TAF6: variants seen among roughly 807,000 people sequenced by gnomAD.
The protein encoded by TAF6 is TATA-box binding protein associated factor 6.
TAF6 carries 50 observed loss-of-function variants against 73.5 expected under a neutral mutation model. The ratio of observed to expected loss-of-function variants is 0.68; its 90% CI spans 0.54 to 0.86. The LOEUF (loss-of-function observed/expected upper bound fraction) is 0.86. Among genes scored for constraint, TAF6 ranks in the 40% least tolerant of loss-of-function variants. TAF6 has a pLI of 0.00. For missense variants in TAF6, 768 were observed against 899.5 expected (o/e 0.85, Z 1.87); for synonymous variants, 424 against 376.7 (o/e 1.13, Z -1.45).
chr7:100,113,777 A>C lies in TAF6; in HGVS notation c.244-8T>G. ...GTGGAAGCCATAGAGTGGCTGTGGC[A>C]GGAGAGAGGGGCATGGGTAAGAAGG... On this transcript the variant is annotated splice_polypyrimidine_tract_variant and splice_region_variant and intron_variant, in intron 3 of 14. Transcript: ENST00000453269. 1.2e-6 allele frequency: 2 copies of C among 1,613,740 alleles called. No individual in the cohort carries two copies. The highest frequency in any genetic ancestry group is 1.7e-6 in the Non-Finnish European group (2 of 1,179,840).
rs750236195 is a variant in TAF6, at chr7:100,118,665, A to T, written c.-60+539T>A. 7 of 196,036 alleles carry T rather than the reference A, an allele frequency of 3.6e-5. No individual in the cohort carries two copies. In the South Asian group the frequency reaches 8.8e-4, roughly 25 times the overall value. The allele number at this position is 196,036 out of a possible 1,614,324, so 12.1% of individuals were successfully genotyped here. A position where few individuals can be genotyped will look rare whatever the true frequency, so the allele number is the denominator to read the frequency against. On this transcript the variant is annotated intron_variant, in intron 1 of 14. Transcript: ENST00000453269. ...GACGGAAACCCTGTCTCAAAAAAAA[A>T]ACAAAAAAAAATTAAAGTGGCACAC...
chr7:100,113,491 T>G (rs891977655), intron 4 of TAF6, 86 bp from the exon 5 acceptor site: 82 of 1,530,972 alleles, frequency 5.4e-5, no homozygotes, highest in Non-Finnish European at 7.1e-5. Flanking sequence ...TTTCCACTCC[T>G]GCTCCCCTTG....
At chr7:100,121,817 A>G (rs184269397), upstream of TAF6, among the ~76,000 whole-genome samples, 399 of 151,254 alleles carry the variant, frequency 2.6e-3, 2 homozygotes, top group African/African-American at 6.6e-3. Context: ...TTGGGAGGCC[A>G]AGGCGGGCGG....
In TAF6 at chr7:100,112,144, G is replaced by A. The variant is rs761312376; in HGVS notation, c.684C>T (p.Thr228=). The A allele has an allele frequency of 2.0e-5, 32 of 1,613,964 alleles. No individual in the cohort carries two copies. Among genetic ancestry groups the A allele is most frequent in the Middle Eastern group, 3.3e-4 (2 of 6,058 alleles). ...VEQQLYYKEI[T]EACVGSCEAK... Reference sequence around the variant, plus strand: ...CCTCGCAGGAGCCCACGCAGGCCTCGGTGATCTCCTTGTAGTAGAGCTGCT... The same window carrying A: ...CCTCGCAGGAGCCCACGCAGGCCTCAGTGATCTCCTTGTAGTAGAGCTGCT... The change falls in exon 7 of 15, where the codon ACC becomes ACT. Residue 228 remains threonine (T), a synonymous_variant. Transcript: ENST00000453269.
intron 14 of TAF6, 124 bp downstream of exon 14, chr7:100,107,802 G>A (rs1796700920): frequency 1.5e-5 from 21 of 1,389,618 alleles, no homozygotes; most frequent in Non-Finnish European, 2.0e-5. Context: ...GGACCCTGGT[G>A]GGCGCCTCTT....
Position 100,110,058 on chromosome 7 carries a change from T to C in TAF6, c.1174A>G (p.Ile392Val). The C allele has an allele frequency of 6.2e-7, 1 of 1,614,020 alleles. No homozygotes were observed. Among genetic ancestry groups the C allele is most frequent in the Non-Finnish European group, 8.5e-7 (1 of 1,179,984 alleles). Residue 392 changes from isoleucine (I) to valine (V), a missense_variant, in exon 12 of 15, where the codon ATT (isoleucine) becomes GTT (valine). Ile to Val is a conservative substitution (Grantham distance 29). Coordinates refer to ENST00000453269, the MANE Select transcript of TAF6 (RefSeq NM_139315.3). The stretch of plus-strand genomic sequence containing the variant: ...CCTTCCTGCTGCAGCCGGGGCAGAA[T>C]CAGAGTCTTGATAACCTGTTAGAAG... ...ELGHDVIKTL[I>V]LPRLQQEGER...
rs1796774401 is a variant in TAF6, at chr7:100,108,279, G to A, written c.1458+88C>T. On this transcript the variant is annotated intron_variant, in intron 13 of 14. Transcript: ENST00000453269. ...TGGTTGCCCTGAGACTACTGACTGA[G>A]GGCACATGTGGCTGTGTGCAAGTGC... is the stretch of plus-strand genomic sequence containing the variant. 9.4e-6 allele frequency: 14 copies of A among 1,489,492 alleles called. No individual in the cohort carries two copies. The South Asian group carries it at 1.4e-4, about 15-fold the overall frequency. 92.3% of individuals were successfully genotyped at this position (1,489,492 alleles called of 1,614,324 possible).
rs765930451 is a variant in TAF6, at chr7:100,112,294, G to T, written c.575-41C>A. The T allele has an allele frequency of 3.1e-6, 5 of 1,595,138 alleles. No homozygotes were observed. In the South Asian group the frequency reaches 5.6e-5, roughly 18 times the overall value. On this transcript the variant is annotated intron_variant, in intron 6 of 14. Transcript: ENST00000453269. ...GGTGGGTCTGACAAAGAAAGCTCCA[G>T]AAGAAACCTCAGTAACAGAAGAACC...
chr7:100,110,167 C>T (rs776836994), intron 11 of TAF6, 33 bp downstream of exon 11: 2 of 1,614,080 alleles, frequency 1.2e-6, no homozygotes, highest in South Asian at 2.2e-5. Flanking sequence ...TGACTGTGTC[C>T]CCTCCCCCAT....
upstream of TAF6, among the ~76,000 whole-genome samples, chr7:100,121,776 C>T (rs112758676): frequency 3.6e-4 from 53 of 149,028 alleles, no homozygotes; most frequent in Admixed American, 8.0e-4. Context: ...ACCGGCCGGG[C>T]GTGGTGGCTC....
the TAF6 span, among the ~76,000 whole-genome samples, chr7:100,126,202 CATG>C: frequency 6.3e-4 from 95 of 150,906 alleles, no homozygotes; most frequent in Middle Eastern, 3.4e-3. Context: ...AAAAGCCACG[CATG>C]GTGGTGGGCG....
chr7:100,122,556 G>A, upstream of TAF6: 5 of 1,611,478 alleles, frequency 3.1e-6, no homozygotes, highest in Admixed American at 1.7e-5. Flanking sequence ...CTGAGCGCAA[G>A]GGCTCACTGA....
At chr7:100,124,521 C>T (rs760726881), upstream of TAF6, 1 of 1,611,456 alleles carries the variant, frequency 6.2e-7, no homozygotes, top group South Asian at 1.1e-5. Flanking sequence ...CAGTGTGAGA[C>T]CATGTTGGAG....
In TAF6 at chr7:100,107,425, C is replaced by T. The variant is rs1267156911; in HGVS notation, c.1855G>A (p.Gly619Arg). ...VSLPPTGEGK[G>R]GPTSHPSPVP... Reference sequence around the variant, plus strand: ...GGAGAAGGATGGGAGGTGGGGCCTCCTTTGCCCTCCCCTGTTGGGGGAAGT... The same window carrying T: ...GGAGAAGGATGGGAGGTGGGGCCTCTTTTGCCCTCCCCTGTTGGGGGAAGT... The change falls in exon 15 of 15, where the codon GGA (glycine) becomes AGA (arginine). Residue 619 changes from glycine (G) to arginine (R), a missense_variant. Coordinates refer to ENST00000453269, the MANE Select transcript of TAF6 (RefSeq NM_139315.3). 2.5e-6 allele frequency: 4 copies of T among 1,610,204 alleles called. No individual in the cohort carries two copies. Among genetic ancestry groups the T allele is most frequent in the Non-Finnish European group, 3.4e-6 (4 of 1,177,366 alleles).
chr7:100,126,205 G>A, the TAF6 span, among the ~76,000 whole-genome samples: 9 of 151,736 alleles, frequency 5.9e-5, no homozygotes, highest in Admixed American at 1.3e-4. Flanking sequence ...AGCCACGCAT[G>A]GTGGTGGGCG....
upstream of TAF6, chr7:100,121,112 A>ATTTT (rs1798040006): frequency 5.2e-4 from 16 of 30,708 alleles, no homozygotes; most frequent in Non-Finnish European, 7.6e-4. Flanking sequence ...ATATATATAT[A>ATTTT]TATATTTTTT....
the TAF6 span, chr7:100,124,966 T>C: frequency 5.4e-6 from 8 of 1,487,458 alleles, no homozygotes; most frequent in Non-Finnish European, 6.3e-6. Context: ...GCTCCACAGC[T>C]TTCAGGGTGT....
chr7:100,110,236 A>AT lies in TAF6; in HGVS notation c.1121dup (p.Tyr374Ter), dbSNP rs1797045159. 1 of 1,614,074 alleles carries AT rather than the reference A, an allele frequency of 6.2e-7. No individual in the cohort carries two copies. The highest frequency in any genetic ancestry group is 1.1e-5 in the South Asian group (1 of 91,092). Residue 374 changes from tyrosine (Y) to a stop codon, truncating the protein, a stop_gained and frameshift_variant, in exon 11 of 15, where the codon TAT becomes TAAT. Transcript: ENST00000453269. LOFTEE classifies it high-confidence loss of function. ...VDEKTPWTTRYGSIAGLAELG... is the reference protein window; with the variant it reads ...VDEKTPWTTR ...GCTCAGCCAAGCCTGCGATGGAGCCATAACGAGTCGTCCAGGGCGTCTTCT... is the reference window on the plus strand; with the variant it reads ...GCTCAGCCAAGCCTGCGATGGAGCCATTAACGAGTCGTCCAGGGCGTCTTCT...
At position 100,107,940 on chromosome 7, in the gene TAF6, G is replaced by A; in HGVS notation, c.1642C>T (p.Pro548Ser). 1 of 1,611,372 alleles carries A rather than the reference G, an allele frequency of 6.2e-7. No homozygotes were observed. The highest frequency in any genetic ancestry group is 1.3e-5 in the African/African-American group (1 of 75,008). Reference sequence around the variant, plus strand: ...GCTCTGCATACCTGCTGGGTGGATGGGGCGCTGGAGGACGATGACATTACA... The same window carrying A: ...GCTCTGCATACCTGCTGGGTGGATGAGGCGCTGGAGGACGATGACATTACA... ...FIVMSSSSSA[P>S]STQQVLSLST... The change falls in exon 14 of 15, where the codon CCA (proline) becomes TCA (serine). Residue 548 changes from proline (P) to serine (S), a missense_variant. Around this residue, in one of 5 missense-constraint regions of TAF6, gnomAD observed 350 missense variants for 352.3 expected, o/e 0.99. Coordinates refer to ENST00000453269, the MANE Select transcript of TAF6 (RefSeq NM_139315.3).
Sources: allele counts gnomAD v4.1 joint callset (sites outside exome capture counted in the v4.1 genomes callset), GRCh38; gene constraint gnomAD v4.1.1; regional missense constraint gnomAD v4.1.1; transcripts MANE v1.5; gene names NCBI Gene and HGNC (gene_info 2026-07-23, HGNC 2026-07-21).